The following RBFOX1 variants were observed in gnomAD, a reference collection of about 807,000 sequenced individuals.
RBFOX1 encodes RNA binding protein fox-1 homolog 1.
In RBFOX1, 8 loss-of-function variants were observed where a neutral mutation model predicts 57.7. The ratio of observed to expected loss-of-function variants is 0.14; its 90% CI spans 0.08 to 0.25. RBFOX1 has a LOEUF of 0.25. RBFOX1 is among the 10% of genes least tolerant of loss of function. The pLI, the probability that RBFOX1 is intolerant of heterozygous loss-of-function variation, is 1.00. For missense variants in RBFOX1, 611 were observed against 548.5 expected, an observed-to-expected ratio of 1.11 and a Z score of -1.14; for synonymous variants, 326 against 222.4, an observed-to-expected ratio of 1.47 and a Z score of -4.15.
At chr16:6,222,894 T>TC (rs1255238190) in intron 1 of RBFOX1, among the ~76,000 whole-genome samples, 2 of 151,814 alleles carry the variant, frequency 1.3e-5, no homozygotes, top group Non-Finnish European at 2.9e-5. Flanking sequence ...ATGTTCCCCT[T>TC]CTGTGTCCAT....
intron 3 of RBFOX1, among the ~76,000 whole-genome samples, chr16:6,820,783 C>T (rs751430358): frequency 6.6e-6 from 1 of 152,154 alleles, no homozygotes; most frequent in Non-Finnish European, 1.5e-5. Flanking sequence ...CTTATTACTG[C>T]AAAAGGCCTG....
At chr16:7,619,566 CCCT>C (rs1427942282) in intron 10 of RBFOX1, among the ~76,000 whole-genome samples, 2 of 152,092 alleles carry the variant, frequency 1.3e-5, no homozygotes, top group Non-Finnish European at 2.9e-5. Context: ...CAAATAGAGT[CCCT>C]CCTAAATAGT....
chr16:6,657,774 C>G (rs8048978), intron 3 of RBFOX1, among the ~76,000 whole-genome samples: 7 of 152,026 alleles, frequency 4.6e-5, no homozygotes, highest in Non-Finnish European at 1.0e-4. Flanking sequence ...TGGATTTTTA[C>G]GACTGTTGAG....
chr16:7,124,518 TCCCCTCCCC>T (rs2067961484), intron 4 of RBFOX1, among the ~76,000 whole-genome samples: 2 of 27,156 alleles, frequency 7.4e-5, no homozygotes, highest in Admixed American at 3.5e-4. Context: ...TCCCCTCCCC[TCCCCTCCCC>T]TCCTTCCTTC....
intron 3 of RBFOX1, among the ~76,000 whole-genome samples, chr16:6,924,826 CCCCCCT>C (rs57377450): frequency 0.23 from 23,725 of 104,664 alleles, 2,589 homozygotes; most frequent in Middle Eastern, 0.31. Context: ...TGCTATCCCT[CCCCCCT>C]CCCCCTCCCC....
intron 4 of RBFOX1, among the ~76,000 whole-genome samples, chr16:7,343,601 T>C (rs2096938481): frequency 6.6e-6 from 1 of 152,138 alleles, no homozygotes; most frequent in Non-Finnish European, 1.5e-5. Flanking sequence ...GCAGCTGCTG[T>C]TTTTAGGCAT....
At chr16:5,580,511 G>T (rs1296206025) in intron 2 of RBFOX1, among the ~76,000 whole-genome samples, 1 of 152,202 alleles carries the variant, frequency 6.6e-6, no homozygotes, top group Admixed American at 6.5e-5. Context: ...CGGCCAGCTG[G>T]GTGTGCCTTA....
At chr16:6,176,102 C>T (rs2097005253) in intron 1 of RBFOX1, among the ~76,000 whole-genome samples, 1 of 151,986 alleles carries the variant, frequency 6.6e-6, no homozygotes, top group South Asian at 2.1e-4. Context: ...GTCAGAGAGC[C>T]TGTTTCTAAT....
chr16:5,770,302 T>G (rs2053935002), intron 3 of RBFOX1, among the ~76,000 whole-genome samples: 2 of 152,206 alleles, frequency 1.3e-5, no homozygotes, highest in South Asian at 4.1e-4. Context: ...GAAAGTGATC[T>G]CTAGCTGCCC....
intron 4 of RBFOX1, among the ~76,000 whole-genome samples, chr16:7,315,564 T>C (rs1247397538): frequency 6.6e-6 from 1 of 151,918 alleles, no homozygotes; most frequent in Admixed American, 6.6e-5. Context: ...CTGTCCAGTA[T>C]GCTTGTCAGT....
chr16:5,247,184 G>C (rs1271365580), intron 1 of RBFOX1, among the ~76,000 whole-genome samples: 1 of 152,152 alleles, frequency 6.6e-6, no homozygotes, highest in Non-Finnish European at 1.5e-5. Context: ...TGGGGGAGGA[G>C]GGGGAAAAGA....
intron 3 of RBFOX1, among the ~76,000 whole-genome samples, chr16:6,784,762 G>T (rs1346824176): frequency 6.6e-6 from 1 of 151,952 alleles, no homozygotes; most frequent in Non-Finnish European, 1.5e-5. Context: ...TGTGGTCGGG[G>T]GTTGTGGGGA....
chr16:6,859,724 C>G (rs937456204), intron 3 of RBFOX1, among the ~76,000 whole-genome samples: 3 of 152,096 alleles, frequency 2.0e-5, no homozygotes, highest in African/African-American at 7.2e-5. Context: ...TGAGAAATGT[C>G]TTTCACCCTT....
At chr16:6,885,050 T>G (rs1260048348) in intron 3 of RBFOX1, among the ~76,000 whole-genome samples, 1 of 152,226 alleles carries the variant, frequency 6.6e-6, no homozygotes, top group Non-Finnish European at 1.5e-5. Flanking sequence ...AACGTTTATT[T>G]AATATGAAAT....
intron 1 of RBFOX1, among the ~76,000 whole-genome samples, chr16:5,342,325 C>G (rs1224629530): frequency 2.0e-5 from 3 of 152,102 alleles, no homozygotes; most frequent in African/African-American, 4.8e-5. Context: ...CCAGGGGACT[C>G]TGTTAGAGGC....
intron 3 of RBFOX1, among the ~76,000 whole-genome samples, chr16:5,713,052 G>A (rs912628037): frequency 6.6e-6 from 1 of 152,200 alleles, no homozygotes; most frequent in Non-Finnish European, 1.5e-5. Flanking sequence ...GGAAAAGTCT[G>A]TTGGGTAGGG....
rs577188306 is a variant in RBFOX1 at position 5,283,442 on chromosome 16, A to G, written c.219+43337A>G. 2.3e-3 allele frequency among the ~76,000 whole-genome samples: 349 copies of G among 152,210 alleles called. 2 individuals carry two copies. The highest frequency in any genetic ancestry group is 8.0e-3 in the African/African-American group (331 of 41,516). ...GAAAAGCTGCAAACACTCAATGCCA[A>G]CCAGTGAAAGGAGCCCCTCCTTTCA... On this transcript the variant is annotated intron_variant, in intron 1 of 2. Transcript: ENST00000585867.
chr16:6,759,966 C>T (rs955039442), intron 3 of RBFOX1, among the ~76,000 whole-genome samples: 1 of 152,124 alleles, frequency 6.6e-6, no homozygotes, highest in Non-Finnish European at 1.5e-5. Flanking sequence ...TATTTTGTAT[C>T]AGCCCTTGTG....
downstream of RBFOX1, among the ~76,000 whole-genome samples, chr16:5,603,765 A>C (rs1034656211): frequency 6.6e-6 from 1 of 152,198 alleles, no homozygotes; most frequent in Non-Finnish European, 1.5e-5. Flanking sequence ...TCATGTGGCC[A>C]CAAGATGGAG....
Sources: allele counts gnomAD v4.1 joint callset (sites outside exome capture counted in the v4.1 genomes callset), GRCh38; gene constraint gnomAD v4.1.1; transcripts MANE v1.5; gene names NCBI Gene and HGNC (gene_info 2026-07-23, HGNC 2026-07-21).